KIAA0753: variants seen among roughly 807,000 people sequenced by gnomAD.
The protein encoded by KIAA0753 is KIAA0753.
A neutral mutation model predicts 116.9 loss-of-function variants in KIAA0753; 114 were observed. The observed-to-expected ratio is 0.98, with a 90% confidence interval of 0.84 to 1.14. The LOEUF (loss-of-function observed/expected upper bound fraction) is 1.14, where lower values mean the gene tolerates loss of function less well. KIAA0753 is among the 50% of genes most tolerant of loss of function. KIAA0753 has a pLI of 0.00. For synonymous variants in KIAA0753, 405 were observed against 413.1 expected (o/e 0.98, Z 0.24); for missense variants, 1,156 against 1,172.4 (o/e 0.99, Z 0.20).
intron 6 of KIAA0753, among the ~76,000 whole-genome samples, chr17:6,622,583 T>G (rs1241819991): frequency 6.6e-6 from 1 of 152,254 alleles, no homozygotes; most frequent in African/African-American, 2.4e-5. Flanking sequence ...GCTAATAAAT[T>G]TTTTTCTCAA....
chr17:6,579,912 G>A, intron 18 of KIAA0753, 48 bp from the exon 19 acceptor site: 1 of 1,413,826 alleles, frequency 7.1e-7, no homozygotes, highest in Non-Finnish European at 1.0e-6. Flanking sequence ...GCCAGGCGCG[G>A]TGGCTCACAC....
At chr17:6,627,590 A>G (rs754979932) in intron 3 of KIAA0753, among the ~76,000 whole-genome samples, 4 of 152,140 alleles carry the variant, frequency 2.6e-5, no homozygotes, top group Non-Finnish European at 4.4e-5. Flanking sequence ...ACTGTAGAAA[A>G]CCATATATGA....
At chr17:6,593,175 C>A (rs1969197803) in intron 16 of KIAA0753, among the ~76,000 whole-genome samples, 1 of 152,164 alleles carries the variant, frequency 6.6e-6, no homozygotes, top group Non-Finnish European at 1.5e-5. Context: ...AGACAAGCAA[C>A]CCCAAAAAAA....
rs1208772618 is a variant in KIAA0753, at chr17:6,612,082, T to C, written c.1382A>G (p.Asp461Gly). ...TCCTTCTTCCAGAACTATATCCGCA[T>C]CTAATACATCAAGCTCACTCTGCAA... ...QRLQSELDVL[D>G]ADIVLEEGPF... The change falls in exon 8 of 19, where the codon GAT becomes GGT. Residue 461 changes from aspartate to glycine, a missense_variant. Coordinates refer to ENST00000361413, the MANE Select transcript of KIAA0753 (RefSeq NM_014804.3). The C allele has an allele frequency of 6.2e-7, 1 of 1,614,078 alleles. No individual in the cohort carries two copies. Among genetic ancestry groups the C allele is most frequent in the African/African-American group, 1.3e-5 (1 of 74,952 alleles).
intron 7 of KIAA0753, among the ~76,000 whole-genome samples, chr17:6,618,823 GA>G (rs975092194): frequency 1.5e-4 from 23 of 152,058 alleles, no homozygotes; most frequent in African/African-American, 4.6e-4. Context: ...TTACAACAAA[GA>G]AAAAAACTTC....
At position 6,628,174 on chromosome 17, in the gene KIAA0753, G is replaced by A. The variant is rs774799042; in HGVS notation, c.661C>T (p.Arg221Ter). Residue 221 changes from arginine to a stop codon, truncating the protein, a stop_gained, in exon 3 of 19, where the codon CGA becomes TGA. Coordinates refer to ENST00000361413, the MANE Select transcript of KIAA0753 (RefSeq NM_014804.3). LOFTEE classifies it high-confidence loss of function. ...CAACTGCTCAGTTCTTTCTGGAGTC[G>A]CTGGACTTCTAGCAGGCTTTTCTGT... ...SEQKSLLEVQRLQKELSSCIH... is the reference protein window; with the variant it reads ...SEQKSLLEVQ 1.3e-5 allele frequency: 21 copies of A among 1,613,938 alleles called. No individual in the cohort carries two copies. The highest frequency in any genetic ancestry group is 5.0e-5 in the Admixed American group (3 of 59,986).
At chr17:6,622,815 C>A in intron 6 of KIAA0753, 67 bp downstream of exon 6, 24 of 1,358,832 alleles carry the variant, frequency 1.8e-5, no homozygotes, top group Non-Finnish European at 1.7e-5. Flanking sequence ...TAAATCCTAA[C>A]GAAACTAGGT....
At chr17:6,597,537 G>A (rs1969568486) in intron 14 of KIAA0753, among the ~76,000 whole-genome samples, 1 of 152,118 alleles carries the variant, frequency 6.6e-6, no homozygotes, top group Non-Finnish European at 1.5e-5. Context: ...TGCTTGTGGG[G>A]AACTTTTCAT....
chr17:6,623,671 C>G, intron 4 of KIAA0753, 100 bp from the exon 5 acceptor site: 1 of 1,436,596 alleles, frequency 7.0e-7, no homozygotes, highest in South Asian at 1.5e-5. Context: ...CAAATATAAC[C>G]ATTATTAATT....
At chr17:6,635,674 C>CTTG (rs1972279264) in intron 1 of KIAA0753, 1 of 152,578 alleles carries the variant, frequency 6.6e-6, no homozygotes, top group South Asian at 2.1e-4. Context: ...CAGGATCTGC[C>CTTG]ATTTGGAGAG....
In KIAA0753 at chr17:6,620,919, G is replaced by C; in HGVS notation, c.1184C>G (p.Pro395Arg). 1.2e-6 allele frequency: 2 copies of C among 1,614,138 alleles called. No homozygotes were observed. The highest frequency in any genetic ancestry group is 1.3e-5 in the African/African-American group (1 of 75,036). The change falls in exon 7 of 19, where the codon CCT becomes CGT. Residue 395 changes from proline (P) to arginine (R), a missense_variant. Pro to Arg is a moderately radical substitution (Grantham distance 103, BLOSUM62 -2). Transcript: ENST00000361413. ...KCFSEIRSRF[P>R]IGSQKALERW... ...CTCCAAGGCCTTTTGGCTACCGATA[G>C]GAAATCTGCTCCGAATTTCACTGAA... is the stretch of plus-strand genomic sequence containing the variant.
At chr17:6,585,067 T>TA (rs1968467724) in intron 18 of KIAA0753, among the ~76,000 whole-genome samples, 1 of 152,214 alleles carries the variant, frequency 6.6e-6, no homozygotes, top group Non-Finnish European at 1.5e-5. Flanking sequence ...GTGCTGAGAT[T>TA]AGATGTGAGC....
At chr17:6,596,745 G>A (rs981571351) in intron 14 of KIAA0753, among the ~76,000 whole-genome samples, 3 of 152,170 alleles carry the variant, frequency 2.0e-5, no homozygotes, top group African/African-American at 4.8e-5. Flanking sequence ...CTGTGAAAAC[G>A]TCTGCTCATA....
intron 9 of KIAA0753, 118 bp from the exon 10 acceptor site, chr17:6,608,582 G>A (rs565837581): frequency 2.9e-4 from 143 of 486,944 alleles, no homozygotes; most frequent in African/African-American, 1.9e-3. Flanking sequence ...TCTGTAGCAC[G>A]GGGCCCTACA....
chr17:6,579,864 G>C lies in KIAA0753; in HGVS notation c.2787C>G (p.Ser929Arg). Residue 929 changes from serine to arginine, a missense_variant and splice_region_variant, in exon 19 of 19, where the codon AGC (serine) becomes AGG (arginine). Physicochemically the swap from Ser to Arg is moderately radical, Grantham distance 110. Coordinates refer to ENST00000361413, the MANE Select transcript of KIAA0753 (RefSeq NM_014804.3). Reference sequence around the variant, plus strand: ...CTTCATCTACCAGCTCTTCTGAAAAGCTGGAAGACAAACAACACAACTAAA... The same window carrying C: ...CTTCATCTACCAGCTCTTCTGAAAACCTGGAAGACAAACAACACAACTAAA... ...GSFNPWLIAE[S>R]FSEELVDEAL... The C allele has an allele frequency of 6.2e-7, 1 of 1,611,360 alleles. No homozygotes were observed. Among genetic ancestry groups the C allele is most frequent in the Non-Finnish European group, 8.5e-7 (1 of 1,178,088 alleles).
intron 18 of KIAA0753, among the ~76,000 whole-genome samples, chr17:6,588,640 T>C (rs1419183801): frequency 6.6e-6 from 1 of 152,170 alleles, no homozygotes; most frequent in African/African-American, 2.4e-5. Context: ...AATGTAATCA[T>C]AGTACACTAC....
chr17:6,585,247 T>C (rs1968485679), intron 18 of KIAA0753, among the ~76,000 whole-genome samples: 2 of 152,232 alleles, frequency 1.3e-5, no homozygotes, highest in African/African-American at 4.8e-5. Flanking sequence ...TTTGAATGTG[T>C]ACAGTTTTTA....
intron 18 of KIAA0753, among the ~76,000 whole-genome samples, chr17:6,582,338 T>C (rs1597448245): frequency 6.6e-6 from 1 of 152,362 alleles, no homozygotes; most frequent in East Asian, 1.9e-4. Context: ...AATATGATTA[T>C]ATTATTTATT....
At chr17:6,629,384 A>G (rs892998770) in intron 2 of KIAA0753, among the ~76,000 whole-genome samples, 4 of 152,236 alleles carry the variant, frequency 2.6e-5, no homozygotes, top group Non-Finnish European at 4.4e-5. Flanking sequence ...TGCATTTTCC[A>G]AAATCCAATG....
Sources: gnomAD v4.1 joint callset for allele counts (sites outside exome capture counted in the v4.1 genomes callset) on GRCh38, gnomAD v4.1.1 for gene constraint, MANE v1.5 for transcripts, NCBI Gene and HGNC (gene_info 2026-07-23, HGNC 2026-07-21) for gene names.